The following LRRTM3 variants were observed in gnomAD, a reference collection of about 807,000 sequenced individuals.
LRRTM3 encodes leucine-rich repeat transmembrane neuronal protein 3.
A neutral mutation model predicts 44.7 loss-of-function variants in LRRTM3; 24 were observed. That is an observed-to-expected ratio of 0.54 (90% CI 0.39 to 0.76). The LOEUF (loss-of-function observed/expected upper bound fraction) is 0.76. Ranked by LOEUF, LRRTM3 falls within the 30% of genes least tolerant of loss-of-function variation. The pLI, the probability that LRRTM3 is intolerant of heterozygous loss-of-function variation, is 0.00. For synonymous variants in LRRTM3, 277 were observed against 278.7 expected (o/e 0.99, Z 0.06); for missense variants, 587 against 702.2 (o/e 0.84, Z 1.85).
chr10:67,044,653 T>C (rs12772856), intron 2 of LRRTM3, among the ~76,000 whole-genome samples: 52,534 of 152,042 alleles, frequency 0.35, 9,639 homozygotes, highest in Middle Eastern at 0.55. Flanking sequence ...GTGAAATGAA[T>C]ACAAAAGCTA....
At chr10:66,930,376 G>A (rs1247562111) in intron 2 of LRRTM3, among the ~76,000 whole-genome samples, 2 of 152,150 alleles carry the variant, frequency 1.3e-5, no homozygotes, top group Admixed American at 6.5e-5. Flanking sequence ...CTGGATGACT[G>A]AGCTTATTGT....
At chr10:66,984,641 T>C (rs935095748) in intron 2 of LRRTM3, among the ~76,000 whole-genome samples, 3 of 152,178 alleles carry the variant, frequency 2.0e-5, no homozygotes, top group Admixed American at 2.0e-4. Flanking sequence ...ATAGTAAATA[T>C]AGCCTGCAGA....
intron 2 of LRRTM3, among the ~76,000 whole-genome samples, chr10:66,945,988 T>A (rs186582118): frequency 2.0e-5 from 3 of 152,254 alleles, no homozygotes; most frequent in Admixed American, 2.0e-4. Context: ...CAGATCACCA[T>A]AATAGATATA....
At chr10:66,940,957 T>A (rs967333068) in intron 2 of LRRTM3, among the ~76,000 whole-genome samples, 3 of 152,290 alleles carry the variant, frequency 2.0e-5, no homozygotes, top group African/African-American at 7.2e-5. Context: ...TGTAAAAAAA[T>A]GCAACTGAGT....
intron 2 of LRRTM3, among the ~76,000 whole-genome samples, chr10:67,072,570 C>A (rs1167951742): frequency 6.6e-6 from 1 of 152,128 alleles, no homozygotes; most frequent in Non-Finnish European, 1.5e-5. Context: ...TCAAGCCAAC[C>A]AAGGACTCAG....
chr10:67,005,682 CTT>C (rs11369576), intron 2 of LRRTM3, among the ~76,000 whole-genome samples: 26 of 61,976 alleles, frequency 4.2e-4, no homozygotes, highest in African/African-American at 1.3e-3. Flanking sequence ...TTTACTCCAT[CTT>C]TTTTTTTTTT....
intron 2 of LRRTM3, among the ~76,000 whole-genome samples, chr10:67,018,338 G>T (rs985664474): frequency 2.0e-5 from 3 of 152,070 alleles, no homozygotes; most frequent in Non-Finnish European, 2.9e-5. Flanking sequence ...CCTGATTCCT[G>T]ATTTTCTTCA....
At chr10:67,095,471 A>C (rs74141799) in intron 2 of LRRTM3, among the ~76,000 whole-genome samples, 3,503 of 151,916 alleles carry the variant, frequency 0.023, 136 homozygotes, top group African/African-American at 0.08. Flanking sequence ...CATCAGAGCT[A>C]ACTATTTAAT....
intron 2 of LRRTM3, among the ~76,000 whole-genome samples, chr10:67,043,832 G>A (rs1854556593): frequency 6.6e-6 from 1 of 151,884 alleles, no homozygotes; most frequent in Admixed American, 6.6e-5. Flanking sequence ...ATACAGTGAG[G>A]ACTACTTTTT....
At chr10:67,017,415 G>A (rs1205374995) in intron 2 of LRRTM3, among the ~76,000 whole-genome samples, 1 of 152,162 alleles carries the variant, frequency 6.6e-6, no homozygotes. Flanking sequence ...GAAGAACAGA[G>A]TTGATTATGT....
intron 2 of LRRTM3, among the ~76,000 whole-genome samples, chr10:66,988,616 T>C (rs1309199332): frequency 6.6e-6 from 1 of 152,176 alleles, no homozygotes; most frequent in East Asian, 1.9e-4. Context: ...TATTTTTGTT[T>C]GATACACTAT....
chr10:66,930,181 G>T (rs1296592655), intron 2 of LRRTM3, among the ~76,000 whole-genome samples: 1 of 152,006 alleles, frequency 6.6e-6, no homozygotes, highest in Non-Finnish European at 1.5e-5. Context: ...TAAAGAAAAA[G>T]AAATAGTTAA....
chr10:66,959,413 T>C (rs1312478455), intron 2 of LRRTM3, among the ~76,000 whole-genome samples: 1 of 152,168 alleles, frequency 6.6e-6, no homozygotes, highest in Non-Finnish European at 1.5e-5. Context: ...AATCATTTAT[T>C]TTATGAAGAG....
At chr10:66,944,610 A>G (rs903082696) in intron 2 of LRRTM3, among the ~76,000 whole-genome samples, 1 of 152,188 alleles carries the variant, frequency 6.6e-6, no homozygotes, top group African/African-American at 2.4e-5. Flanking sequence ...GATCCATCAA[A>G]GGAATTATTA....
intron 2 of LRRTM3, among the ~76,000 whole-genome samples, chr10:66,947,427 T>C (rs1006223854): frequency 4.6e-5 from 7 of 152,156 alleles, no homozygotes; most frequent in African/African-American, 7.2e-5. Context: ...TGAGGGTCCA[T>C]GGGGAAAGGG....
chr10:66,958,580 G>T (rs1395406384), intron 2 of LRRTM3, among the ~76,000 whole-genome samples: 5 of 152,050 alleles, frequency 3.3e-5, no homozygotes, highest in African/African-American at 1.2e-4. Context: ...AAGTAAGTAA[G>T]CGAATCCTGC....
chr10:66,962,082 C>A (rs907268860), intron 2 of LRRTM3, among the ~76,000 whole-genome samples: 4 of 152,066 alleles, frequency 2.6e-5, no homozygotes, highest in African/African-American at 9.7e-5. Flanking sequence ...AGGCTTCCAC[C>A]TTCACCTCAT....
chr10:67,092,984 T>C (rs1671871140), intron 2 of LRRTM3, among the ~76,000 whole-genome samples: 1 of 151,930 alleles, frequency 6.6e-6, no homozygotes, highest in Non-Finnish European at 1.5e-5. Flanking sequence ...TTCTAGAGAG[T>C]AAGTTTTTAT....
At position 67,098,538 on chromosome 10, in the gene LRRTM3, C is replaced by T. The variant is rs1384850607; in HGVS notation, c.*742C>T. On this transcript the variant is annotated 3_prime_UTR_variant, in exon 3 of 3. Transcript: ENST00000361320. ...CTTGAATTACAGCCTAGTTTCTAAG[C>T]AGTGAAATGTAATGATAAAGAGGGA... 1 of 152,122 alleles carries T rather than the reference C, an allele frequency of 6.6e-6. No homozygotes were observed. The highest frequency in any genetic ancestry group is 2.4e-5 in the African/African-American group (1 of 41,328). The allele number at this position is 152,122 out of a possible 1,614,324, so 9.4% of individuals were successfully genotyped here. A position where few individuals can be genotyped will look rare whatever the true frequency, so the allele number is the denominator to read the frequency against.
Sources: gnomAD v4.1 joint callset for allele counts (sites outside exome capture counted in the v4.1 genomes callset) on GRCh38, gnomAD v4.1.1 for gene constraint, MANE v1.5 for transcripts, NCBI Gene and HGNC (gene_info 2026-07-23, HGNC 2026-07-21) for gene names.